The following HOMEZ variants were observed in gnomAD, a reference collection of about 807,000 sequenced individuals.
HOMEZ encodes homeobox and leucine zipper protein Homez.
Under a neutral mutation model 50.1 loss-of-function variants are expected in HOMEZ, and 20 were observed. The ratio of observed to expected loss-of-function variants is 0.40; its 90% CI spans 0.28 to 0.58. HOMEZ has a LOEUF of 0.58. Ranked by LOEUF, HOMEZ falls within the 20% of genes least tolerant of loss-of-function variation. HOMEZ has a pLI of 0.46. For synonymous variants in HOMEZ, 239 were observed against 254.7 expected (o/e 0.94, Z 0.59); for missense variants, 579 against 680.5 (o/e 0.85, Z 1.66).
At chr14:23,282,933 A>T (rs953636026) in intron 1 of HOMEZ, among the ~76,000 whole-genome samples, 6 of 152,220 alleles carry the variant, frequency 3.9e-5, no homozygotes, top group African/African-American at 1.4e-4. Flanking sequence ...TATAGCTGGT[A>T]CTTCCCTGGA....
rs2140498414 is a variant in HOMEZ, at chr14:23,273,568, G to A, written c.*2007C>T. The A allele has an allele frequency of 6.6e-6, 1 of 152,270 alleles. No homozygotes were observed. The highest frequency in any genetic ancestry group is 2.1e-4 in the South Asian group (1 of 4,828). The allele number at this position is 152,270 out of a possible 1,614,324, so 9.4% of individuals were successfully genotyped here. ...ATGTATTCTACTTTGGGTTTTAAAAGGCAGAAATGACGAATTAAATAGGTT... is the reference window on the plus strand; with the variant it reads ...ATGTATTCTACTTTGGGTTTTAAAAAGCAGAAATGACGAATTAAATAGGTT... On this transcript the variant is annotated 3_prime_UTR_variant, in exon 2 of 2. Coordinates refer to ENST00000357460, the MANE Select transcript of HOMEZ (RefSeq NM_020834.3).
At chr14:23,282,784 G>A (rs1017262714) in intron 1 of HOMEZ, among the ~76,000 whole-genome samples, 13 of 152,198 alleles carry the variant, frequency 8.5e-5, no homozygotes, top group African/African-American at 3.1e-4. Flanking sequence ...CTCGGCATCA[G>A]CTTGATATTT....
rs1000044977 is a variant in HOMEZ at position 23,274,675 on chromosome 14, A to C, written c.*900T>G. The C allele has an allele frequency of 6.6e-6, 1 of 152,408 alleles. No individual in the cohort carries two copies. Among genetic ancestry groups the C allele is most frequent in the Non-Finnish European group, 1.5e-5 (1 of 68,092 alleles). The allele number at this position is 152,408 out of a possible 1,614,324, so 9.4% of individuals were successfully genotyped here. On this transcript the variant is annotated 3_prime_UTR_variant, in exon 2 of 2. Coordinates refer to ENST00000357460, the MANE Select transcript of HOMEZ (RefSeq NM_020834.3). ...ATAATCCCAGCACTTTGGGAGGCCA[A>C]GGTGGGCGGATCATGAGGTCAGGAG...
chr14:23,282,244 G>A (rs865779141), intron 1 of HOMEZ, among the ~76,000 whole-genome samples: 4 of 152,054 alleles, frequency 2.6e-5, no homozygotes, highest in South Asian at 2.1e-4. Context: ...TCTAGTTAGC[G>A]ATGAGGAAAC....
chr14:23,284,651 A>G (rs565835186), intron 1 of HOMEZ, among the ~76,000 whole-genome samples: 2 of 152,338 alleles, frequency 1.3e-5, no homozygotes, highest in East Asian at 3.9e-4. Flanking sequence ...TTTTTAAAAA[A>G]TTGCTCCTAT....
intron 1 of HOMEZ, among the ~76,000 whole-genome samples, chr14:23,280,778 A>ATT (rs200828569): frequency 9.9e-6 from 1 of 100,696 alleles, no homozygotes; most frequent in South Asian, 3.2e-4. Flanking sequence ...ATTTTATTTT[A>ATT]TTTTATTTTA....
rs376018971 is a variant in HOMEZ, at chr14:23,285,361, C to T, written c.40+552G>A. The T allele has an allele frequency of 2.0e-5, 3 of 152,238 alleles. No homozygotes were observed. In the East Asian group the frequency reaches 5.8e-4, roughly 29 times the overall value. The allele number at this position is 152,238 out of a possible 1,614,324, so 9.4% of individuals were successfully genotyped here. A position where few individuals can be genotyped will look rare whatever the true frequency, so the allele number is the denominator to read the frequency against. On this transcript the variant is annotated intron_variant, in intron 1 of 1. Transcript: ENST00000357460. ...GAATAGGACGCAACACTAGGAACCC[C>T]AGAGGACTCAGGTTCTCAGTTTCCT...
In HOMEZ at chr14:23,277,033, G is replaced by C; in HGVS notation, c.195C>G (p.Asp65Glu). The C allele has an allele frequency of 6.2e-7, 1 of 1,614,032 alleles. No individual in the cohort carries two copies. Among genetic ancestry groups the C allele is most frequent in the East Asian group, 2.2e-5 (1 of 44,884 alleles). The change falls in exon 2 of 2, where the codon GAC becomes GAG. Residue 65 changes from aspartate to glutamate, a missense_variant. By Grantham distance (45) the Asp-to-Glu change is conservative. Transcript: ENST00000357460. ...AGGTTTTGAGCAGGTGTTCATTGCT[G>C]TCTAGCTCACTGGTCTGGGCTGCTT... is the stretch of plus-strand genomic sequence containing the variant. ...WTQAAQTSEL[D>E]SNEHLLKTFS...
chr14:23,275,781 G>A lies in HOMEZ; in HGVS notation c.1447C>T (p.Gln483Ter). The A allele has an allele frequency of 6.2e-7, 1 of 1,613,232 alleles. No individual in the cohort carries two copies. Among genetic ancestry groups the A allele is most frequent in the Non-Finnish European group, 8.5e-7 (1 of 1,179,424 alleles). ...CTAAGCCTTGATGCCTGACTCAATT[G>A]AGGGATATCAGTTTCCCGTAGCTGT... ...HQQLRETDIP[Q>*]LSQASRLSTQ... The change falls in exon 2 of 2, where the codon CAA (glutamine) becomes TAA (stop). Residue 483 changes from glutamine (Q) to a stop codon, truncating the protein, a stop_gained. Coordinates refer to ENST00000357460, the MANE Select transcript of HOMEZ (RefSeq NM_020834.3). LOFTEE classifies it high-confidence loss of function.
At position 23,272,769 on chromosome 14, in the gene HOMEZ, TG is replaced by T. The variant is rs1264551515; in HGVS notation, c.*2805del. ...ATACAACAGGTCAGAGAGACTTGCTTGCCCTTTTTGCTGTTATAAACACCCA... is the reference window on the plus strand; with the variant it reads ...ATACAACAGGTCAGAGAGACTTGCTTCCCTTTTTGCTGTTATAAACACCCA... On this transcript the variant is annotated 3_prime_UTR_variant, in exon 2 of 2. Transcript: ENST00000357460. 3 of 1,117,854 alleles carry T rather than the reference TG, an allele frequency of 2.7e-6. No homozygotes were observed. Among genetic ancestry groups the T allele is most frequent in the Non-Finnish European group, 4.0e-6 (3 of 753,648 alleles). 69.2% of individuals were successfully genotyped at this position (1,117,854 alleles called of 1,614,324 possible).
chr14:23,285,372 G>C (rs888428744), intron 1 of HOMEZ: 1 of 152,200 alleles, frequency 6.6e-6, no homozygotes, highest in Non-Finnish European at 1.5e-5. Flanking sequence ...AGAGGACTCA[G>C]GTTCTCAGTT....
rs1886520010 is a variant in HOMEZ at position 23,280,745 on chromosome 14, T to TTTATTTTATTTTA, written c.41-3571_41-3559dup. Among the ~76,000 whole-genome samples the TTTATTTTATTTTA allele has an allele frequency of 5.4e-3, 423 of 78,390 alleles. 10 individuals carry two copies. Among genetic ancestry groups the TTTATTTTATTTTA allele is most frequent in the Middle Eastern group, 0.012 (2 of 162 alleles). 51.4% of individuals were successfully genotyped at this position (78,390 alleles called of 152,430 possible). On this transcript the variant is annotated intron_variant, in intron 1 of 1. Transcript: ENST00000357460. The stretch of plus-strand genomic sequence containing the variant: ...ATTTTATTTTATTTTATTTTATTAT[T>TTTATTTTATTTTA]TTATTTTATTTTATTTTATTTTATT...
At position 23,275,524 on chromosome 14, in the gene HOMEZ, C is replaced by G; in HGVS notation, c.*51G>C. On this transcript the variant is annotated 3_prime_UTR_variant, in exon 2 of 2. Coordinates refer to ENST00000357460, the MANE Select transcript of HOMEZ (RefSeq NM_020834.3). ...TGTGGTTTCTTTGTTTAAACAGTTA[C>G]TAAGTTGGTTCATCTTTCAGTAACA... 6.7e-7 allele frequency: 1 copy of G among 1,492,836 alleles called. No individual in the cohort carries two copies. The highest frequency in any genetic ancestry group is 8.9e-7 in the Non-Finnish European group (1 of 1,120,404). The allele number at this position is 1,492,836 out of a possible 1,614,324, so 92.5% of individuals were successfully genotyped here. A position where few individuals can be genotyped will look rare whatever the true frequency, so the allele number is the denominator to read the frequency against.
chr14:23,275,701 C>A lies in HOMEZ; in HGVS notation c.1527G>T (p.Val509=), dbSNP rs770782593. The A allele has an allele frequency of 3.7e-6, 6 of 1,603,536 alleles. No individual in the cohort carries two copies. The highest frequency in any genetic ancestry group is 5.1e-6 in the Non-Finnish European group (6 of 1,174,930). The change falls in exon 2 of 2, where the codon GTG becomes GTT. Residue 509 remains valine (V), a synonymous_variant. Transcript: ENST00000357460. Reference sequence around the variant, plus strand: ...CCTCTTCTTCATCTAGACAAACTACCACCTCAGCTGGCTGAGGTAATCGAG... The same window carrying A: ...CCTCTTCTTCATCTAGACAAACTACAACCTCAGCTGGCTGAGGTAATCGAG... ...FDSRLPQPAE[V]VVCLDEEEEE... is the part of the protein sequence containing the mutation.
Position 23,273,625 on chromosome 14 carries a change from A to T in HOMEZ, c.*1950T>A, listed in dbSNP as rs546384277. ...TCACAAGCTGGCCTTAAGCAAAAAT[A>T]CTGGAAAAACAGAAAATAGCAGGCA... On this transcript the variant is annotated 3_prime_UTR_variant, in exon 2 of 2. Coordinates refer to ENST00000357460, the MANE Select transcript of HOMEZ (RefSeq NM_020834.3). 6.6e-6 allele frequency: 1 copy of T among 152,376 alleles called. No individual in the cohort carries two copies. The highest frequency in any genetic ancestry group is 2.1e-4 in the South Asian group (1 of 4,834). The allele number at this position is 152,376 out of a possible 1,614,324, so 9.4% of individuals were successfully genotyped here. A position where few individuals can be genotyped will look rare whatever the true frequency, so the allele number is the denominator to read the frequency against.
chr14:23,277,068 C>G lies in HOMEZ; in HGVS notation c.160G>C (p.Val54Leu). The G allele has an allele frequency of 6.2e-7, 1 of 1,614,032 alleles. No individual in the cohort carries two copies. The highest frequency in any genetic ancestry group is 8.5e-7 in the Non-Finnish European group (1 of 1,179,902). Residue 54 changes from valine to leucine, a missense_variant, in exon 2 of 2, where the codon GTG becomes CTG. Val to Leu is a conservative substitution (Grantham distance 32, BLOSUM62 1). Coordinates refer to ENST00000357460, the MANE Select transcript of HOMEZ (RefSeq NM_020834.3). ...CTGGTCTGGGCTGCTTGCGTCCACA[C>G]AAGCTGTAGCTCCTCAGAGATTGGA... Reference protein sequence around the residue: ...LPPISEELQLVWTQAAQTSEL... With the variant: ...LPPISEELQLLWTQAAQTSEL...
rs1483783446 is a variant in HOMEZ, at chr14:23,276,612, T to C, written c.616A>G (p.Met206Val). ...GGGAATGCTCCACTGCCAGGTGTCA[T>C]CAGGGACTCCTTTAATTTCTGGTGA... ...QSHQKLKESLMTPGSGAFPYQ... is the reference protein window; with the variant it reads ...QSHQKLKESLVTPGSGAFPYQ... Residue 206 changes from methionine (M) to valine (V), a missense_variant, in exon 2 of 2, where the codon ATG becomes GTG. By Grantham distance (21) the Met-to-Val change is conservative. Transcript: ENST00000357460. The surrounding 1 kb of genome is among the most constrained non-coding windows in gnomAD (Gnocchi z 4.1). 8 of 1,614,020 alleles carry C rather than the reference T, an allele frequency of 5.0e-6. No homozygotes were observed. The highest frequency in any genetic ancestry group is 6.8e-6 in the Non-Finnish European group (8 of 1,179,884).
chr14:23,280,709 A>ATTTTTTTATTTTATTT (rs1031806493), intron 1 of HOMEZ, among the ~76,000 whole-genome samples: 1 of 49,800 alleles, frequency 2.0e-5, no homozygotes, highest in Non-Finnish European at 4.9e-5. Context: ...TTATATTTTT[A>ATTTTTTTATTTTATTT]TTTTTATTTT....
rs1028005897 is a variant in HOMEZ at position 23,286,064 on chromosome 14, C to A, written c.-112G>T. Reference sequence around the variant, plus strand: ...AGCGATGGCCGAAACCGGGACTGCCCCCCCCACCGTCCCCGGGAGCGCGCC... The same window carrying A: ...AGCGATGGCCGAAACCGGGACTGCCACCCCCACCGTCCCCGGGAGCGCGCC... On this transcript the variant is annotated 5_prime_UTR_variant, in exon 1 of 2. Coordinates refer to ENST00000357460, the MANE Select transcript of HOMEZ (RefSeq NM_020834.3). 102 of 1,231,174 alleles carry A rather than the reference C, an allele frequency of 8.3e-5. No individual in the cohort carries two copies. The highest frequency in any genetic ancestry group is 6.2e-4 in the Middle Eastern group (2 of 3,208). 76.3% of individuals were successfully genotyped at this position (1,231,174 alleles called of 1,614,324 possible).
Sources: gnomAD v4.1 joint callset for allele counts (sites outside exome capture counted in the v4.1 genomes callset) on GRCh38, gnomAD v4.1.1 for gene constraint, Gnocchi (gnomAD v3.1) non-coding constraint, MANE v1.5 for transcripts, NCBI Gene and HGNC (gene_info 2026-07-23, HGNC 2026-07-21) for gene names.